The following SLC27A2 variants were observed in gnomAD, a reference collection of about 807,000 sequenced individuals.
SLC27A2 encodes long-chain fatty acid transport protein 2.
Under a neutral mutation model 60.0 loss-of-function variants are expected in SLC27A2, and 54 were observed. The ratio of observed to expected loss-of-function variants is 0.90; its 90% CI spans 0.72 to 1.13. The LOEUF is 1.13. SLC27A2 is among the 50% of genes most tolerant of loss of function. The pLI, the probability that SLC27A2 is intolerant of heterozygous loss-of-function variation, is 0.00. For synonymous variants in SLC27A2, 297 were observed against 297.6 expected, an observed-to-expected ratio of 1.00 and a Z score of 0.02; for missense variants, 739 against 777.6, an observed-to-expected ratio of 0.95 and a Z score of 0.59.
chr15:50,213,256 C>A (rs1055401263), intron 4 of SLC27A2, among the ~76,000 whole-genome samples: 1 of 152,130 alleles, frequency 6.6e-6, no homozygotes, highest in African/African-American at 2.4e-5. Flanking sequence ...GAAAATATCA[C>A]AATCCTAAAT....
intron 4 of SLC27A2, among the ~76,000 whole-genome samples, chr15:50,206,561 C>T (rs917235656): frequency 6.6e-6 from 1 of 150,670 alleles, no homozygotes; most frequent in Non-Finnish European, 1.5e-5. Context: ...AGACAGGCCT[C>T]TTCTGCTAAT....
chr15:50,223,578 G>T (rs965947648), intron 5 of SLC27A2, among the ~76,000 whole-genome samples: 3 of 152,166 alleles, frequency 2.0e-5, no homozygotes, highest in Non-Finnish European at 4.4e-5. Flanking sequence ...AACCCGCTAG[G>T]CTTTGGATTC....
At chr15:50,205,192 T>C (rs775944301) in intron 3 of SLC27A2, 47 bp from the exon 4 acceptor site, 6 of 1,560,504 alleles carry the variant, frequency 3.8e-6, no homozygotes, top group Non-Finnish European at 5.2e-6. Context: ...ACTGGGAGAA[T>C]TTTTTCCACC....
chr15:50,191,690 A>G (rs904805531), intron 1 of SLC27A2, among the ~76,000 whole-genome samples: 3 of 152,188 alleles, frequency 2.0e-5, no homozygotes, highest in Admixed American at 1.3e-4. Context: ...AGGAGCTTAC[A>G]TGTTCTGATT....
At chr15:50,227,209 C>T in intron 7 of SLC27A2, 31 bp downstream of exon 7, 2 of 1,555,342 alleles carry the variant, frequency 1.3e-6, no homozygotes, top group South Asian at 1.1e-5. Flanking sequence ...GAGCCAAAAA[C>T]AAACACACGC....
intron 2 of SLC27A2, among the ~76,000 whole-genome samples, chr15:50,201,625 G>A (rs1020854791): frequency 6.6e-6 from 1 of 151,186 alleles, no homozygotes; most frequent in African/African-American, 2.4e-5. Context: ...GCGCTATCTC[G>A]GCTCACTGCA....
chr15:50,216,900 A>AAT (rs1358712640), intron 4 of SLC27A2, among the ~76,000 whole-genome samples: 1 of 147,598 alleles, frequency 6.8e-6, no homozygotes, highest in African/African-American at 2.5e-5. Context: ...TATTCCAAAA[A>AAT]ATATATATAT....
intron 4 of SLC27A2, among the ~76,000 whole-genome samples, chr15:50,211,550 C>T (rs767156391): frequency 6.6e-5 from 10 of 152,146 alleles, no homozygotes; most frequent in Non-Finnish European, 1.5e-5. Flanking sequence ...ACCAACCCTG[C>T]TAATATGAAA....
chr15:50,204,917 T>TAA (rs1013271972), intron 3 of SLC27A2, among the ~76,000 whole-genome samples: 2 of 147,784 alleles, frequency 1.4e-5, no homozygotes, highest in African/African-American at 4.9e-5. Context: ...AGTATATATA[T>TAA]AATATAATAT....
intron 4 of SLC27A2, 75 bp from the exon 5 acceptor site, chr15:50,222,890 A>G: frequency 8.4e-7 from 1 of 1,189,558 alleles, no homozygotes; most frequent in South Asian, 1.5e-5. Flanking sequence ...CATACAAAAT[A>G]AAGGCAATTA....
At chr15:50,226,900 A>G in intron 6 of SLC27A2, 80 bp from the exon 7 acceptor site, 1 of 1,162,610 alleles carries the variant, frequency 8.6e-7, no homozygotes, top group Non-Finnish European at 1.2e-6. Context: ...AGCAGGTTGT[A>G]TGGCATTAGT....
At chr15:50,215,925 CCGA>C (rs1238678028) in intron 4 of SLC27A2, among the ~76,000 whole-genome samples, 1 of 152,170 alleles carries the variant, frequency 6.6e-6, no homozygotes, top group Non-Finnish European at 1.5e-5. Flanking sequence ...GACCAAGAAC[CCGA>C]AAGCAAATGC....
At chr15:50,216,205 A>C (rs1373157493) in intron 4 of SLC27A2, among the ~76,000 whole-genome samples, 2 of 152,234 alleles carry the variant, frequency 1.3e-5, no homozygotes, top group African/African-American at 4.8e-5. Flanking sequence ...AACATTAAAA[A>C]ATGCTCAACA....
Position 50,226,112 on chromosome 15 carries a change from C to T in SLC27A2, c.1258+34C>T, listed in dbSNP as rs773352783. 3.8e-6 allele frequency: 5 copies of T among 1,310,482 alleles called. No individual in the cohort carries two copies. In the African/African-American group the frequency reaches 4.4e-5, roughly 11 times the overall value. 81.2% of individuals were successfully genotyped at this position (1,310,482 alleles called of 1,614,324 possible). On this transcript the variant is annotated intron_variant, in intron 6 of 9. Transcript: ENST00000267842. ...GACTTTTGTTCAATCAACCTGTGCC[C>T]CTTCTTATCTTGATCAAGTGACTTT...
At chr15:50,191,395 A>C (rs1204957362) in intron 1 of SLC27A2, among the ~76,000 whole-genome samples, 1 of 152,170 alleles carries the variant, frequency 6.6e-6, no homozygotes, top group Non-Finnish European at 1.5e-5. Flanking sequence ...AAGGTTAAGC[A>C]CCACCACCCC....
intron 8 of SLC27A2, among the ~76,000 whole-genome samples, chr15:50,229,369 C>A (rs1040588275): frequency 6.6e-6 from 1 of 152,198 alleles, no homozygotes; most frequent in African/African-American, 2.4e-5. Flanking sequence ...GATGTCCTAG[C>A]CTCTGAACTA....
At chr15:50,184,918 A>G (rs763263269) in intron 1 of SLC27A2, among the ~76,000 whole-genome samples, 54 of 152,190 alleles carry the variant, frequency 3.5e-4, no homozygotes, top group Non-Finnish European at 6.3e-4. Flanking sequence ...AATTCCCATT[A>G]ATTTCTAGCT....
rs79471299 is a variant in SLC27A2, at chr15:50,224,560, T to C, written c.1167+1401T>C. Among the ~76,000 whole-genome samples, 1,423 of 152,310 alleles carry C rather than the reference T, an allele frequency of 9.3e-3. 22 individuals carry two copies. Among genetic ancestry groups the C allele is most frequent in the African/African-American group, 0.033 (1,365 of 41,566 alleles). On this transcript the variant is annotated intron_variant, in intron 5 of 9. Coordinates refer to ENST00000267842, the MANE Select transcript of SLC27A2 (RefSeq NM_003645.4). ...ATGATGATAATCACTCTATTTCTTATATTCTGGCCTAATCTCAAGGTGTTC... is the reference window on the plus strand; with the variant it reads ...ATGATGATAATCACTCTATTTCTTACATTCTGGCCTAATCTCAAGGTGTTC...
At chr15:50,190,515 C>G (rs1340127322) in intron 1 of SLC27A2, among the ~76,000 whole-genome samples, 1 of 151,970 alleles carries the variant, frequency 6.6e-6, no homozygotes, top group African/African-American at 2.4e-5. Flanking sequence ...AGCCTGAGCA[C>G]CTGACACCTT....
Sources: allele counts gnomAD v4.1 joint callset (sites outside exome capture counted in the v4.1 genomes callset), GRCh38; gene constraint gnomAD v4.1.1; transcripts MANE v1.5; gene names NCBI Gene and HGNC (gene_info 2026-07-23, HGNC 2026-07-21).